The following CCBE1 variants were observed in gnomAD, a reference collection of about 807,000 sequenced individuals.
The protein encoded by CCBE1 is collagen and calcium-binding EGF domain-containing protein 1.
Under a neutral mutation model 50.0 loss-of-function variants are expected in CCBE1, and 37 were observed. The ratio of observed to expected loss-of-function variants is 0.74; its 90% CI spans 0.57 to 0.97. CCBE1 has a LOEUF of 0.97. CCBE1 is among the 50% of genes least tolerant of loss of function. The pLI is 0.00. For missense variants in CCBE1, 538 were observed against 523.8 expected (o/e 1.03, Z -0.26); for synonymous variants, 234 against 203.7 (o/e 1.15, Z -1.27).
intron 2 of CCBE1, among the ~76,000 whole-genome samples, chr18:59,630,405 C>A (rs1014933647): frequency 6.6e-6 from 1 of 152,144 alleles, no homozygotes; most frequent in Non-Finnish European, 1.5e-5. Flanking sequence ...GAAGCACTGG[C>A]AATTTGCTCT....
intron 2 of CCBE1, among the ~76,000 whole-genome samples, chr18:59,543,628 G>C (rs1474051731): frequency 6.6e-6 from 1 of 152,138 alleles, no homozygotes; most frequent in Non-Finnish European, 1.5e-5. Flanking sequence ...GAGGTCAGGA[G>C]ATCGAGAACA....
intron 2 of CCBE1, among the ~76,000 whole-genome samples, chr18:59,543,198 G>C (rs1285466675): frequency 6.6e-6 from 1 of 152,098 alleles, no homozygotes; most frequent in Non-Finnish European, 1.5e-5. Flanking sequence ...CAGGGGCCTA[G>C]GATTCTGCAC....
At chr18:59,509,284 T>C (rs974797280) in intron 2 of CCBE1, among the ~76,000 whole-genome samples, 1 of 151,988 alleles carries the variant, frequency 6.6e-6, no homozygotes, top group Non-Finnish European at 1.5e-5. Context: ...AAAAGGTCTA[T>C]GTAAAAATGC....
chr18:59,562,432 A>G (rs2052753291), intron 2 of CCBE1, among the ~76,000 whole-genome samples: 1 of 152,210 alleles, frequency 6.6e-6, no homozygotes, highest in Admixed American at 6.5e-5. Context: ...CCAGCTGCAC[A>G]GAGAGAGGCA....
intron 2 of CCBE1, among the ~76,000 whole-genome samples, chr18:59,637,636 A>C (rs577106459): frequency 6.6e-6 from 1 of 152,352 alleles, no homozygotes; most frequent in African/African-American, 2.4e-5. Context: ...AAAAGATGAC[A>C]ATATTAGGAA....
At chr18:59,691,913 G>A (rs1340868594) in intron 2 of CCBE1, among the ~76,000 whole-genome samples, 1 of 152,146 alleles carries the variant, frequency 6.6e-6, no homozygotes, top group East Asian at 1.9e-4. Flanking sequence ...TCATAATCCT[G>A]GGGAAGGGAT....
chr18:59,568,941 T>A (rs1279184932), intron 2 of CCBE1, among the ~76,000 whole-genome samples: 1 of 152,196 alleles, frequency 6.6e-6, no homozygotes, highest in Non-Finnish European at 1.5e-5. Context: ...ACCTGCCACC[T>A]CCACCTTAGT....
intron 5 of CCBE1, 93 bp downstream of exon 5, chr18:59,466,646 C>A: frequency 1.7e-6 from 1 of 589,698 alleles, no homozygotes; most frequent in Non-Finnish European, 2.5e-6. Context: ...ATTATATAAT[C>A]ATATCTATAT....
At chr18:59,604,244 T>G (rs929952899) in intron 2 of CCBE1, among the ~76,000 whole-genome samples, 22 of 152,086 alleles carry the variant, frequency 1.4e-4, no homozygotes, top group Admixed American at 1.4e-3. Context: ...CATGCTACCC[T>G]CTTCATAGGT....
At chr18:59,553,669 T>G (rs1916009352) in intron 2 of CCBE1, among the ~76,000 whole-genome samples, 1 of 152,186 alleles carries the variant, frequency 6.6e-6, no homozygotes, top group Non-Finnish European at 1.5e-5. Context: ...AAACATACAC[T>G]TTAGGTGCTC....
At chr18:59,473,743 T>TA (rs1912158360) in intron 3 of CCBE1, among the ~76,000 whole-genome samples, 1 of 1,448 alleles carries the variant, frequency 6.9e-4, no homozygotes, top group Non-Finnish European at 1.4e-3. Flanking sequence ...CACTATTTCC[T>TA]CCCCCACTAC....
chr18:59,658,472 G>A (rs1303143764), intron 2 of CCBE1, among the ~76,000 whole-genome samples: 1 of 127,022 alleles, frequency 7.9e-6, no homozygotes, highest in Non-Finnish European at 1.6e-5. Flanking sequence ...GGAGGCTGAG[G>A]CAGACAGATT....
intron 2 of CCBE1, among the ~76,000 whole-genome samples, chr18:59,550,998 C>CAAAAAAAAAAAAAAAAA (rs555160847): frequency 1.2e-3 from 83 of 71,364 alleles, no homozygotes; most frequent in East Asian, 1.4e-3. Context: ...CAGCGAGACT[C>CAAAAAAAAAAAAAAAAA]AAAAAAAAAA....
chr18:59,694,407 G>A (rs909396844), intron 2 of CCBE1, among the ~76,000 whole-genome samples: 2 of 149,058 alleles, frequency 1.3e-5, no homozygotes, highest in Non-Finnish European at 3.0e-5. Flanking sequence ...TTAACCTTTA[G>A]TTTAGTGAGG....
At chr18:59,660,121 TGA>T (rs1363672267) in intron 2 of CCBE1, among the ~76,000 whole-genome samples, 1 of 152,174 alleles carries the variant, frequency 6.6e-6, no homozygotes, top group Non-Finnish European at 1.5e-5. Context: ...GGCACCCAGC[TGA>T]GAGTGCCGAA....
chr18:59,563,174 T>C (rs2052767858), intron 2 of CCBE1, among the ~76,000 whole-genome samples: 1 of 152,194 alleles, frequency 6.6e-6, no homozygotes, highest in Admixed American at 6.5e-5. Flanking sequence ...GGTCCAGGCA[T>C]GGACTGAGCG....
chr18:59,669,500 A>T (rs964664667), intron 2 of CCBE1, among the ~76,000 whole-genome samples: 1 of 152,204 alleles, frequency 6.6e-6, no homozygotes, highest in African/African-American at 2.4e-5. Flanking sequence ...GGCTGAGAGG[A>T]AAGTTGGAGT....
intron 2 of CCBE1, among the ~76,000 whole-genome samples, chr18:59,650,514 C>T (rs903527052): frequency 2.6e-5 from 4 of 151,612 alleles, no homozygotes; most frequent in East Asian, 4.0e-4. Flanking sequence ...TGTTAGTGTG[C>T]GGGATAATCG....
chr18:59,563,312 T>C (rs1349466128), intron 2 of CCBE1, among the ~76,000 whole-genome samples: 1 of 152,264 alleles, frequency 6.6e-6, no homozygotes, highest in Non-Finnish European at 1.5e-5. Context: ...CAATTAGTTT[T>C]TCTTGATTTT....
Sources: gnomAD v4.1 joint callset for allele counts (sites outside exome capture counted in the v4.1 genomes callset) on GRCh38, gnomAD v4.1.1 for gene constraint, MANE v1.5 for transcripts, NCBI Gene and HGNC (gene_info 2026-07-23, HGNC 2026-07-21) for gene names.